Variants in PDAP1 observed in about 807,000 individuals in gnomAD.
PDAP1 encodes PDGFA associated protein 1, also known as 28 kDa heat- and acid-stable phosphoprotein.
Under a neutral mutation model 28.0 loss-of-function variants are expected in PDAP1, and 13 were observed. That is an observed-to-expected ratio of 0.46 (90% CI 0.30 to 0.74). The LOEUF (loss-of-function observed/expected upper bound fraction) is 0.74, where lower values mean the gene tolerates loss of function less well. Among genes scored for constraint, PDAP1 ranks in the 30% least tolerant of loss-of-function variants. The pLI is 0.07. For synonymous variants in PDAP1, 77 were observed against 85.1 expected (o/e 0.91, Z 0.52); for missense variants, 150 against 230.0 (o/e 0.65, Z 2.25).
rs759105590 is a variant in PDAP1, at chr7:99,403,407, ATCT to A, written c.201_203del (p.Glu67del). 21 of 1,591,352 alleles carry A rather than the reference ATCT, an allele frequency of 1.3e-5. No homozygotes were observed. Among genetic ancestry groups the A allele is most frequent in the Non-Finnish European group, 1.8e-5 (21 of 1,159,232 alleles). On this transcript the variant is annotated inframe_deletion, in exon 3 of 6. Coordinates refer to ENST00000350498, the MANE Select transcript of PDAP1 (RefSeq NM_014891.7). ...CAAAAGAACTCAGTACCTGGTAGTCATCTTCTTCATCCTCACTCTCATCTGAGT... is the reference window on the plus strand; with the variant it reads ...CAAAAGAACTCAGTACCTGGTAGTCATCTTCATCCTCACTCTCATCTGAGT...
chr7:99,405,897 A>G (rs1339898008), intron 1 of PDAP1, among the ~76,000 whole-genome samples: 1 of 152,216 alleles, frequency 6.6e-6, no homozygotes, highest in Non-Finnish European at 1.5e-5. Context: ...AAGATAGATG[A>G]ATTAATCAAT....
intron 5 of PDAP1, among the ~76,000 whole-genome samples, 169 bp downstream of exon 5, chr7:99,397,693 G>A (rs911237508): frequency 2.0e-5 from 3 of 152,188 alleles, no homozygotes; most frequent in East Asian, 1.9e-4. Context: ...CCTGGTCCCC[G>A]AGGGAGTGGC....
intron 4 of PDAP1, 104 bp from the exon 5 acceptor site, chr7:99,398,117 G>A (rs556229745): frequency 2.3e-6 from 3 of 1,328,308 alleles, no homozygotes; most frequent in African/African-American, 1.4e-5. Context: ...GGGCCGAGGT[G>A]GAAGGGGTGC....
chr7:99,396,512 C>CAA lies in PDAP1; in HGVS notation c.*169_*170insTT. 2 of 539,318 alleles carry CAA rather than the reference C, an allele frequency of 3.7e-6. No individual in the cohort carries two copies. Among genetic ancestry groups the CAA allele is most frequent in the East Asian group, 7.8e-5 (2 of 25,652 alleles). 33.4% of individuals were successfully genotyped at this position (539,318 alleles called of 1,614,324 possible). On this transcript the variant is annotated 3_prime_UTR_variant, in exon 6 of 6. Transcript: ENST00000350498. Reference sequence around the variant, plus strand: ...GCTACCCCTCCCCCAGTCCCCCCCCCCATCCCCCAAACAATTTCTGTGCCA... The same window carrying CAA: ...GCTACCCCTCCCCCAGTCCCCCCCCCAACATCCCCCAAACAATTTCTGTGCCA...
Position 99,404,919 on chromosome 7 carries a change from C to T in PDAP1, c.48G>A (p.Gln16=), listed in dbSNP as rs765843690. The part of the protein sequence containing the change: ...RKGGHKGRAR[Q]YTSPEEIDAQ... Reference sequence around the variant, plus strand: ...CGTCGATCTCCTCAGGGCTTGTATACTGCCTCGCCCGGCCTTTGTGGCCTC... The same window carrying T: ...CGTCGATCTCCTCAGGGCTTGTATATTGCCTCGCCCGGCCTTTGTGGCCTC... Residue 16 remains glutamine, a synonymous_variant, in exon 2 of 6, where the codon CAG becomes CAA. Transcript: ENST00000350498. 3.1e-6 allele frequency: 5 copies of T among 1,613,872 alleles called. No individual in the cohort carries two copies. The Admixed American group carries it at 5.0e-5, about 16-fold the overall frequency.
At chr7:99,405,052 T>C in intron 1 of PDAP1, 99 bp from the exon 2 acceptor site, 2 of 818,046 alleles carry the variant, frequency 2.4e-6, no homozygotes, top group Non-Finnish European at 4.0e-6. Flanking sequence ...ATCGGAGGCC[T>C]CACCTACCCC....
Position 99,395,979 on chromosome 7 carries a change from C to CA in PDAP1, c.*702dup, listed in dbSNP as rs1454185639. ...GAAGCCAAAGGATGGATTGCCAAAA[C>CA]AAAGATTACGATAATGTCAAGTTTA... On this transcript the variant is annotated 3_prime_UTR_variant, in exon 6 of 6. Transcript: ENST00000350498. 2 of 152,814 alleles carry CA rather than the reference C, an allele frequency of 1.3e-5. No homozygotes were observed. Among genetic ancestry groups the CA allele is most frequent in the Non-Finnish European group, 2.9e-5 (2 of 68,168 alleles). 9.5% of individuals were successfully genotyped at this position (152,814 alleles called of 1,614,324 possible).
At chr7:99,405,350 C>T (rs1794953706) in intron 1 of PDAP1, among the ~76,000 whole-genome samples, 1 of 151,694 alleles carries the variant, frequency 6.6e-6, no homozygotes, top group African/African-American at 2.4e-5. Flanking sequence ...TCTGTCACAG[C>T]CAGGGGCACT....
At chr7:99,401,527 G>A (rs1794866258) in intron 3 of PDAP1, among the ~76,000 whole-genome samples, 1 of 152,012 alleles carries the variant, frequency 6.6e-6, no homozygotes, top group African/African-American at 2.4e-5. Flanking sequence ...TTTTCTCCAT[G>A]TTGGTCAGGC....
rs748053807 is a variant in PDAP1, at chr7:99,404,857, C to T, written c.105+5G>A. On this transcript the variant is annotated splice_donor_5th_base_variant and intron_variant, in intron 2 of 5. Coordinates refer to ENST00000350498, the MANE Select transcript of PDAP1 (RefSeq NM_014891.7). ...CTGGCGTGGCCTGGACAGGCACGTA[C>T]TCACCCTGGCCTTCTGCTTCTCAGC... 1 of 1,610,500 alleles carries T rather than the reference C, an allele frequency of 6.2e-7. No individual in the cohort carries two copies.
At chr7:99,403,304 G>C in intron 3 of PDAP1, 94 bp downstream of exon 3, 2 of 762,670 alleles carry the variant, frequency 2.6e-6, no homozygotes, top group South Asian at 1.5e-5. Context: ...GACGTTGTCT[G>C]CATCTACCTT....
At chr7:99,397,811 G>A in intron 5 of PDAP1, 51 bp downstream of exon 5, 3 of 1,594,140 alleles carry the variant, frequency 1.9e-6, no homozygotes, top group African/African-American at 1.3e-5. Context: ...TTTGTGGCTG[G>A]CCCAGGACCA....
At chr7:99,399,630 TC>T (rs1006384344) in intron 4 of PDAP1, among the ~76,000 whole-genome samples, 12 of 152,084 alleles carry the variant, frequency 7.9e-5, no homozygotes, top group African/African-American at 2.9e-4. Context: ...CTCATGGCCT[TC>T]CCCACGAGGC....
chr7:99,396,513 C>T lies in PDAP1; in HGVS notation c.*169G>A, dbSNP rs919432304. The T allele has an allele frequency of 9.9e-6, 5 of 506,608 alleles. No individual in the cohort carries two copies. Among genetic ancestry groups the T allele is most frequent in the African/African-American group, 2.2e-5 (1 of 46,022 alleles). 31.4% of individuals were successfully genotyped at this position (506,608 alleles called of 1,614,324 possible). A position where few individuals can be genotyped will look rare whatever the true frequency, so the allele number is the denominator to read the frequency against. On this transcript the variant is annotated 3_prime_UTR_variant, in exon 6 of 6. Transcript: ENST00000350498. Reference sequence around the variant, plus strand: ...CTACCCCTCCCCCAGTCCCCCCCCCCATCCCCCAAACAATTTCTGTGCCAA... The same window carrying T: ...CTACCCCTCCCCCAGTCCCCCCCCCTATCCCCCAAACAATTTCTGTGCCAA...
chr7:99,401,386 T>C (rs2150905319), intron 3 of PDAP1, among the ~76,000 whole-genome samples: 1 of 152,236 alleles, frequency 6.6e-6, no homozygotes, highest in East Asian at 1.9e-4. Flanking sequence ...TGGAGGGCAA[T>C]GGCACAATCT....
At position 99,394,961 on chromosome 7, in the gene PDAP1, G is replaced by A. The variant is rs1298068981; in HGVS notation, c.*1721C>T. Reference sequence around the variant, plus strand: ...TCCAGGGAGAGATTGGTGTTTGCACGGCCATAGGTAGATAGCTTATTTTTA... The same window carrying A: ...TCCAGGGAGAGATTGGTGTTTGCACAGCCATAGGTAGATAGCTTATTTTTA... On this transcript the variant is annotated 3_prime_UTR_variant, in exon 6 of 6. Coordinates refer to ENST00000350498, the MANE Select transcript of PDAP1 (RefSeq NM_014891.7). 6.4e-6 allele frequency: 3 copies of A among 469,950 alleles called. No homozygotes were observed. Among genetic ancestry groups the A allele is most frequent in the Non-Finnish European group, 9.3e-6 (3 of 323,470 alleles). 29.1% of individuals were successfully genotyped at this position (469,950 alleles called of 1,614,324 possible).
At position 99,396,562 on chromosome 7, in the gene PDAP1, T is replaced by TG. The variant is rs1432980508; in HGVS notation, c.*119dup. ...AAGATGAAGAGGAGGCCCCAGGCCA[T>TG]GGGGGGCTCCTGGCCATGAGGGGCT... On this transcript the variant is annotated 3_prime_UTR_variant, in exon 6 of 6. Transcript: ENST00000350498. 9.0e-5 allele frequency: 51 copies of TG among 564,066 alleles called. No homozygotes were observed. In the African/African-American group the frequency reaches 9.3e-4, roughly 10 times the overall value. The allele number at this position is 564,066 out of a possible 1,614,324, so 34.9% of individuals were successfully genotyped here.
chr7:99,397,188 T>C, intron 5 of PDAP1, among the ~76,000 whole-genome samples: 1 of 152,146 alleles, frequency 6.6e-6, no homozygotes, highest in African/African-American at 2.4e-5. Context: ...GGTGACAATG[T>C]CCCTGAGCAA....
In PDAP1 at chr7:99,396,670, C is replaced by T. The variant is rs775188086; in HGVS notation, c.*12G>A. The T allele has an allele frequency of 1.2e-5, 19 of 1,610,224 alleles. No homozygotes were observed. The highest frequency in any genetic ancestry group is 4.0e-5 in the African/African-American group (3 of 74,920). On this transcript the variant is annotated 3_prime_UTR_variant, in exon 6 of 6. Coordinates refer to ENST00000350498, the MANE Select transcript of PDAP1 (RefSeq NM_014891.7). ...GGCCCAGGTCCCCGGCATCTCCTCC[C>T]ACGGGTCGCAGTTACTTATTCAGGG...
Sources: gnomAD v4.1 joint callset for allele counts (sites outside exome capture counted in the v4.1 genomes callset) on GRCh38, gnomAD v4.1.1 for gene constraint, MANE v1.5 for transcripts, NCBI Gene and HGNC (gene_info 2026-07-23, HGNC 2026-07-21) for gene names.